Variants in CSMD1 observed in about 807,000 individuals in gnomAD.
CSMD1 encodes CUB and Sushi multiple domains 1.
Under a neutral mutation model 417.5 loss-of-function variants are expected in CSMD1, and 213 were observed. That is an observed-to-expected ratio of 0.51 (90% CI 0.46 to 0.57). CSMD1 has a LOEUF of 0.57. CSMD1 is among the 20% of genes least tolerant of loss of function. CSMD1 has a pLI of 0.00. For missense variants in CSMD1, 6,923 were observed against 4,529.7 expected (o/e 1.53, Z -15.17); for synonymous variants, 2,862 against 1,736.8 (o/e 1.65, Z -16.11).
At chr8:4,812,698 A>C (rs922436772) in intron 1 of CSMD1, among the ~76,000 whole-genome samples, 1 of 152,210 alleles carries the variant, frequency 6.6e-6, no homozygotes, top group African/African-American at 2.4e-5. Context: ...ATATGAAAGA[A>C]ACATGTAAAA....
intron 3 of CSMD1, among the ~76,000 whole-genome samples, chr8:4,144,032 C>A (rs1028447010): frequency 6.6e-6 from 1 of 151,198 alleles, no homozygotes; most frequent in African/African-American, 2.5e-5. Flanking sequence ...GAGAAAGCAG[C>A]CTTTGATCCT....
intron 5 of CSMD1, among the ~76,000 whole-genome samples, chr8:3,957,693 AAAG>A (rs1050107168): frequency 9.3e-5 from 14 of 150,054 alleles, no homozygotes; most frequent in South Asian, 4.4e-4. Flanking sequence ...GTCGGAAAAA[AAAG>A]AAGAGAAGAG....
chr8:3,999,579 A>G (rs1300012172), intron 4 of CSMD1, among the ~76,000 whole-genome samples: 1 of 152,234 alleles, frequency 6.6e-6, no homozygotes, highest in Non-Finnish European at 1.5e-5. Flanking sequence ...GAAGAATGCC[A>G]GGGGCATAGG....
intron 2 of CSMD1, among the ~76,000 whole-genome samples, chr8:4,444,870 CAAGGT>C (rs1224390375): frequency 6.6e-6 from 1 of 152,196 alleles, no homozygotes; most frequent in Non-Finnish European, 1.5e-5. Context: ...CTGCTGCAGC[CAAGGT>C]AATTGATTGT....
intron 1 of CSMD1, among the ~76,000 whole-genome samples, chr8:4,712,561 G>C (rs955818803): frequency 2.6e-5 from 4 of 152,208 alleles, no homozygotes; most frequent in Non-Finnish European, 5.9e-5. Context: ...TGAAATAGAA[G>C]AGAACAGAAA....
At chr8:3,360,850 C>G (rs1383184387) in intron 20 of CSMD1, among the ~76,000 whole-genome samples, 2 of 145,442 alleles carry the variant, frequency 1.4e-5, no homozygotes, top group Non-Finnish European at 3.0e-5. Context: ...CAAATCTGAT[C>G]CTTCTTTTTT....
intron 1 of CSMD1, among the ~76,000 whole-genome samples, chr8:4,826,179 G>T (rs1233090717): frequency 6.6e-6 from 1 of 152,028 alleles, no homozygotes; most frequent in Non-Finnish European, 1.5e-5. Context: ...AGAGACATGA[G>T]TACCCCAGTG....
At chr8:3,026,465 C>T (rs578178677) in intron 51 of CSMD1, among the ~76,000 whole-genome samples, 1 of 151,854 alleles carries the variant, frequency 6.6e-6, no homozygotes, top group African/African-American at 2.4e-5. Context: ...CCTCAGTGGA[C>T]TTCACTGGAC....
chr8:4,337,835 C>G (rs1392303546), intron 3 of CSMD1, among the ~76,000 whole-genome samples: 2 of 152,114 alleles, frequency 1.3e-5, no homozygotes, highest in East Asian at 1.9e-4. Flanking sequence ...AATTATAAAA[C>G]TTCTTGTTCC....
chr8:3,518,444 T>A (rs185149974), intron 10 of CSMD1, among the ~76,000 whole-genome samples: 76 of 152,300 alleles, frequency 5.0e-4, no homozygotes, highest in African/African-American at 1.7e-3. Flanking sequence ...GCTTTTAAAA[T>A]TCTGACACAT....
At chr8:3,273,887 T>C (rs574289187) in intron 26 of CSMD1, among the ~76,000 whole-genome samples, 1 of 152,292 alleles carries the variant, frequency 6.6e-6, no homozygotes, top group African/African-American at 2.4e-5. Context: ...AGCTCCTGGA[T>C]TCGTTAATTT....
chr8:4,510,200 T>C (rs1057137651), intron 2 of CSMD1, among the ~76,000 whole-genome samples: 3 of 151,976 alleles, frequency 2.0e-5, no homozygotes, highest in Admixed American at 6.6e-5. Context: ...TCCGCCATGA[T>C]AGTGAGGTCT....
intron 3 of CSMD1, among the ~76,000 whole-genome samples, chr8:4,052,794 C>T (rs372829839): frequency 4.6e-5 from 7 of 152,132 alleles, no homozygotes; most frequent in Admixed American, 1.3e-4. Context: ...CTGGAACCCA[C>T]TTCCAGATAC....
intron 2 of CSMD1, among the ~76,000 whole-genome samples, chr8:4,445,877 G>A (rs902782285): frequency 1.3e-5 from 2 of 152,176 alleles, no homozygotes; most frequent in Non-Finnish European, 2.9e-5. Context: ...GCTGGAGAAG[G>A]GCACAAGAGG....
chr8:4,554,833 C>T (rs7357519), intron 2 of CSMD1, among the ~76,000 whole-genome samples: 94,822 of 151,962 alleles, frequency 0.62, 29,793 homozygotes, highest in Admixed American at 0.7. Context: ...TCTGAGTAAG[C>T]ATTGATGGGG....
At chr8:3,836,617 G>C (rs569613423) in intron 5 of CSMD1, among the ~76,000 whole-genome samples, 1 of 152,094 alleles carries the variant, frequency 6.6e-6, no homozygotes, top group Admixed American at 6.6e-5. Context: ...TTACTAAATG[G>C]TATTTGACCT....
At chr8:3,478,873 G>C (rs1009268527) in intron 11 of CSMD1, among the ~76,000 whole-genome samples, 1 of 152,140 alleles carries the variant, frequency 6.6e-6, no homozygotes, top group Non-Finnish European at 1.5e-5. Context: ...CACCTGGGGA[G>C]GCCCTTCGTC....
At chr8:4,242,484 T>C (rs1802460567) in intron 3 of CSMD1, among the ~76,000 whole-genome samples, 1 of 152,224 alleles carries the variant, frequency 6.6e-6, no homozygotes, top group Non-Finnish European at 1.5e-5. Context: ...AGCAGAGACT[T>C]CCTGAGAGCA....
intron 5 of CSMD1, among the ~76,000 whole-genome samples, chr8:3,828,410 T>C (rs1362909315): frequency 1.3e-5 from 2 of 151,848 alleles, no homozygotes; most frequent in African/African-American, 2.4e-5. Flanking sequence ...TATTGTCATA[T>C]TGCAACAGCC....
Sources: gnomAD v4.1 joint callset for allele counts (sites outside exome capture counted in the v4.1 genomes callset) on GRCh38, gnomAD v4.1.1 for gene constraint, MANE v1.5 for transcripts, NCBI Gene and HGNC (gene_info 2026-07-23, HGNC 2026-07-21) for gene names.